The following CACNG5 variants were observed in gnomAD, a reference collection of about 807,000 sequenced individuals.
The protein encoded by CACNG5 is voltage-dependent calcium channel gamma-5 subunit.
CACNG5 carries 18 observed loss-of-function variants against 24.8 expected under a neutral mutation model. That is an observed-to-expected ratio of 0.73 (90% confidence interval 0.50 to 1.08). The LOEUF is 1.08. CACNG5 is among the 50% of genes least tolerant of loss of function. The pLI is 0.00. For synonymous variants in CACNG5, 157 were observed against 149.1 expected, an observed-to-expected ratio of 1.05 and a Z score of -0.39; for missense variants, 349 against 367.9, an observed-to-expected ratio of 0.95 and a Z score of 0.42.
chr17:66,846,575 T>C (rs919341239), intron 1 of CACNG5, among the ~76,000 whole-genome samples: 1 of 152,228 alleles, frequency 6.6e-6, no homozygotes, highest in Non-Finnish European at 1.5e-5. Flanking sequence ...TTCCTTCCAT[T>C]TTATGGCTGG....
In CACNG5 at chr17:66,880,705, G is replaced by T; in HGVS notation, c.424+8G>T. 1 of 1,612,170 alleles carries T rather than the reference G, an allele frequency of 6.2e-7. No individual in the cohort carries two copies. The highest frequency in any genetic ancestry group is 1.1e-5 in the South Asian group (1 of 90,584). ...TCTTCTTTATCCTCTCAGGTAAGTT[G>T]TGTTGTTTTCTTTTCTTGCACCCTG... On this transcript the variant is annotated splice_region_variant and intron_variant, in intron 4 of 5. Transcript: ENST00000533854.
At chr17:66,846,242 C>G (rs1234921460) in intron 1 of CACNG5, among the ~76,000 whole-genome samples, 3 of 152,132 alleles carry the variant, frequency 2.0e-5, no homozygotes, top group Non-Finnish European at 4.4e-5. Flanking sequence ...TATTGTGGCA[C>G]AATACATATA....
chr17:66,835,398 C>G (rs1355750365), intron 1 of CACNG5, 148 bp downstream of exon 1: 1 of 152,440 alleles, frequency 6.6e-6, no homozygotes, highest in Non-Finnish European at 1.5e-5. Context: ...CCCTAGCGAT[C>G]GCGCACCCTG....
intron 2 of CACNG5, 56 bp from the exon 3 acceptor site, chr17:66,878,916 C>T: frequency 7.2e-7 from 1 of 1,396,660 alleles, no homozygotes; most frequent in South Asian, 1.2e-5. Context: ...TTTGTATGGA[C>T]CAACTTCAAA....
Position 66,894,719 on chromosome 17 carries a change from T to A in CACNG5, c.*9479T>A, listed in dbSNP as rs1489036741. On this transcript the variant is annotated 3_prime_UTR_variant, in exon 6 of 6. Coordinates refer to ENST00000533854, the MANE Select transcript of CACNG5 (RefSeq NM_145811.3). Reference sequence around the variant, plus strand: ...AATGTATATTGTTTTCTGGCATGTGTATTTTAATTTAAATAAAGGGTACTG... The same window carrying A: ...AATGTATATTGTTTTCTGGCATGTGAATTTTAATTTAAATAAAGGGTACTG... Among the ~76,000 whole-genome samples the A allele has an allele frequency of 6.6e-6, 1 of 152,228 alleles. No individual in the cohort carries two copies. Among genetic ancestry groups the A allele is most frequent in the Non-Finnish European group, 1.5e-5 (1 of 68,038 alleles).
chr17:66,855,905 C>T (rs1259294434), intron 1 of CACNG5, among the ~76,000 whole-genome samples: 1 of 152,256 alleles, frequency 6.6e-6, no homozygotes, highest in South Asian at 2.1e-4. Flanking sequence ...TTTTTACACT[C>T]ATCATCCCAC....
At chr17:66,857,537 T>A (rs1193250905) in intron 1 of CACNG5, among the ~76,000 whole-genome samples, 2 of 152,238 alleles carry the variant, frequency 1.3e-5, no homozygotes, top group Non-Finnish European at 2.9e-5. Flanking sequence ...CAATGTTTTT[T>A]AAATCACTGA....
At position 66,888,324 on chromosome 17, in the gene CACNG5, C is replaced by A. The variant is rs1977292317; in HGVS notation, c.*3084C>A. Among the ~76,000 whole-genome samples, 1 of 151,226 alleles carries A rather than the reference C, an allele frequency of 6.6e-6. No homozygotes were observed. The highest frequency in any genetic ancestry group is 2.0e-4 in the East Asian group (1 of 5,114). ...CTTTGGGAGGCCGAGGCAGGCAGAT[C>A]ACTAGGTCAGGAGATCGAGACCATC... On this transcript the variant is annotated 3_prime_UTR_variant, in exon 6 of 6. Transcript: ENST00000533854.
intron 1 of CACNG5, among the ~76,000 whole-genome samples, chr17:66,841,994 A>G (rs942844275): frequency 1.3e-5 from 2 of 152,226 alleles, no homozygotes; most frequent in Non-Finnish European, 2.9e-5. Flanking sequence ...GCAAGGAATC[A>G]GAGTATCTTC....
At chr17:66,862,481 G>A (rs1976877678) in intron 1 of CACNG5, among the ~76,000 whole-genome samples, 1 of 151,860 alleles carries the variant, frequency 6.6e-6, no homozygotes. Flanking sequence ...GTATGCGAAA[G>A]TGCACATACA....
intron 1 of CACNG5, among the ~76,000 whole-genome samples, chr17:66,847,846 G>A (rs930427774): frequency 6.6e-6 from 1 of 152,212 alleles, no homozygotes; most frequent in Admixed American, 6.5e-5. Flanking sequence ...ACCTTGCTCT[G>A]CAGAAGGAGC....
intron 1 of CACNG5, among the ~76,000 whole-genome samples, chr17:66,874,538 G>A (rs570264189): frequency 4.6e-5 from 7 of 152,166 alleles, no homozygotes; most frequent in Non-Finnish European, 1.0e-4. Flanking sequence ...ACTGTCTCAA[G>A]GGAACTAATT....
chr17:66,837,374 T>A (rs1052222955), intron 1 of CACNG5, among the ~76,000 whole-genome samples: 5 of 152,224 alleles, frequency 3.3e-5, no homozygotes, highest in African/African-American at 1.2e-4. Flanking sequence ...ACTCTGCCTC[T>A]GCAGGGAGCT....
intron 1 of CACNG5, among the ~76,000 whole-genome samples, chr17:66,862,439 ATG>A (rs1244343886): frequency 2.0e-5 from 3 of 151,780 alleles, no homozygotes; most frequent in African/African-American, 2.4e-5. Flanking sequence ...CTCTCTGTAT[ATG>A]TGTGTGTGTG....
Position 66,892,665 on chromosome 17 carries a change from C to T in CACNG5, c.*7425C>T, listed in dbSNP as rs934304576. 3.3e-5 allele frequency among the ~76,000 whole-genome samples: 5 copies of T among 152,208 alleles called. No individual in the cohort carries two copies. The highest frequency in any genetic ancestry group is 7.3e-5 in the Non-Finnish European group (5 of 68,044). On this transcript the variant is annotated 3_prime_UTR_variant, in exon 6 of 6. Transcript: ENST00000533854. ...TTTAAATCCACCCACACTCATACAC[C>T]TCCCACCCTATTTCAGATACAACAA... is the stretch of plus-strand genomic sequence containing the variant.
intron 2 of CACNG5, 70 bp from the exon 3 acceptor site, chr17:66,878,902 A>G: frequency 7.9e-7 from 1 of 1,269,398 alleles, no homozygotes; most frequent in Non-Finnish European, 1.1e-6. Flanking sequence ...ACTTGGAAAT[A>G]CCATTTGTAT....
At chr17:66,878,666 A>T (rs1568071928) in intron 2 of CACNG5, among the ~76,000 whole-genome samples, 1 of 152,190 alleles carries the variant, frequency 6.6e-6, no homozygotes, top group Non-Finnish European at 1.5e-5. Context: ...ACGCAGTGAG[A>T]TGGCACCAGA....
rs568186332 is a variant in CACNG5, at chr17:66,877,892, C to T, written c.196+364C>T. The stretch of plus-strand genomic sequence containing the variant: ...TATTGATCCCATATAATTCTCCCAA[C>T]AGTACTGCAAGACAGGACTTGTTAT... On this transcript the variant is annotated intron_variant, in intron 2 of 5. Transcript: ENST00000533854. 5.3e-5 allele frequency among the ~76,000 whole-genome samples: 8 copies of T among 152,376 alleles called. No individual in the cohort carries two copies. The South Asian group carries it at 1.7e-3, about 32-fold the overall frequency.
At position 66,877,083 on chromosome 17, in the gene CACNG5, C is replaced by T. The variant is rs148605819; in HGVS notation, c.-103-147C>T. The T allele has an allele frequency of 1.4e-3, 663 of 470,070 alleles. 2 individuals carry two copies. Among genetic ancestry groups the T allele is most frequent in the East Asian group, 1.0e-3 (29 of 28,510 alleles). 29.1% of individuals were successfully genotyped at this position (470,070 alleles called of 1,614,324 possible). On this transcript the variant is annotated intron_variant, in intron 1 of 5. Transcript: ENST00000533854. Reference sequence around the variant, plus strand: ...TCCTTGCAGTGGCATGCCAAGAACGCTCTGAATTGCTGCGGGGTTAGGGGG... The same window carrying T: ...TCCTTGCAGTGGCATGCCAAGAACGTTCTGAATTGCTGCGGGGTTAGGGGG...
Sources: allele counts gnomAD v4.1 joint callset (sites outside exome capture counted in the v4.1 genomes callset), GRCh38; gene constraint gnomAD v4.1.1; transcripts MANE v1.5; gene names NCBI Gene and HGNC (gene_info 2026-07-23, HGNC 2026-07-21).